The following FRAS1 variants were observed in gnomAD, a reference collection of about 807,000 sequenced individuals.
FRAS1 encodes the protein extracellular matrix organizing protein FRAS1.
Under a neutral mutation model 435.2 loss-of-function variants are expected in FRAS1, and 290 were observed. The ratio of observed to expected loss-of-function variants is 0.67; its 90% CI spans 0.61 to 0.73. The LOEUF (loss-of-function observed/expected upper bound fraction) is 0.73, where lower values mean the gene tolerates loss of function less well. Among genes scored for constraint, FRAS1 ranks in the 30% least tolerant of loss-of-function variants. FRAS1 has a pLI of 0.00. For synonymous variants in FRAS1, 1,800 were observed against 1,851.0 expected, an observed-to-expected ratio of 0.97 and a Z score of 0.71; for missense variants, 4,860 against 5,001.5, an observed-to-expected ratio of 0.97 and a Z score of 0.85.
At chr4:78,111,752 T>TAAAAAAAAAA (rs564909222) in intron 2 of FRAS1, among the ~76,000 whole-genome samples, 2 of 105,106 alleles carry the variant, frequency 1.9e-5, no homozygotes, top group African/African-American at 3.6e-5. Flanking sequence ...TAGAGTATAA[T>TAAAAAAAAAA]AAAAAAAAAA....
intron 2 of FRAS1, among the ~76,000 whole-genome samples, chr4:78,120,324 T>G (rs2109962353): frequency 6.6e-6 from 1 of 152,318 alleles, no homozygotes; most frequent in South Asian, 2.1e-4. Context: ...CTGTGCCAGC[T>G]TATGGGCTTA....
chr4:78,277,432 T>C (rs1035298122), intron 9 of FRAS1, among the ~76,000 whole-genome samples: 1 of 152,190 alleles, frequency 6.6e-6, no homozygotes, highest in African/African-American at 2.4e-5. Flanking sequence ...AGACTGGACC[T>C]GTTCCTATTC....
intron 51 of FRAS1, 83 bp from the exon 52 acceptor site, chr4:78,472,097 A>C (rs1719725645): frequency 7.3e-7 from 1 of 1,361,748 alleles, no homozygotes; most frequent in Admixed American, 1.7e-5. Context: ...ATCATTGTTG[A>C]ACTGAATTAA....
At chr4:78,313,722 T>TA (rs113259434) in intron 15 of FRAS1, among the ~76,000 whole-genome samples, 6,217 of 152,304 alleles carry the variant, frequency 0.041, 351 homozygotes, top group African/African-American at 0.13. Context: ...CTTTTCTTTT[T>TA]AAAAATTCTT....
intron 26 of FRAS1, among the ~76,000 whole-genome samples, chr4:78,376,165 C>G (rs981632197): frequency 6.6e-6 from 1 of 152,266 alleles, no homozygotes; most frequent in East Asian, 1.9e-4. Context: ...TGAACTACAG[C>G]CATGTTATAG....
At chr4:78,288,840 C>T (rs927843247) in intron 14 of FRAS1, among the ~76,000 whole-genome samples, 2 of 152,144 alleles carry the variant, frequency 1.3e-5, no homozygotes, top group Non-Finnish European at 2.9e-5. Context: ...ATGCTTGTAC[C>T]ACTGTTGGTG....
At chr4:78,305,653 A>C (rs1728672461) in intron 14 of FRAS1, among the ~76,000 whole-genome samples, 2 of 147,992 alleles carry the variant, frequency 1.4e-5, no homozygotes, top group African/African-American at 5.0e-5. Context: ...TGTTGGTTTA[A>C]AGTCTGTTTT....
chr4:78,225,053 C>T (rs1213542759), intron 2 of FRAS1, among the ~76,000 whole-genome samples: 1 of 152,040 alleles, frequency 6.6e-6, no homozygotes, highest in African/African-American at 2.4e-5. Context: ...CATTGATGAC[C>T]TCTCTGAGAA....
intron 47 of FRAS1, among the ~76,000 whole-genome samples, chr4:78,463,238 G>A (rs1172912761): frequency 6.6e-6 from 1 of 152,302 alleles, no homozygotes; most frequent in East Asian, 1.9e-4. Context: ...TTGCACATTT[G>A]TGGGATAGTT....
At chr4:78,394,656 G>A (rs1015898182) in intron 29 of FRAS1, among the ~76,000 whole-genome samples, 2 of 151,906 alleles carry the variant, frequency 1.3e-5, no homozygotes, top group Non-Finnish European at 2.9e-5. Flanking sequence ...CACCAGCTTT[G>A]TTCTTGCTCA....
intron 2 of FRAS1, among the ~76,000 whole-genome samples, chr4:78,067,594 G>A (rs867572601): frequency 2.0e-5 from 3 of 151,520 alleles, no homozygotes; most frequent in Non-Finnish European, 4.4e-5. Flanking sequence ...ACACCAGCAC[G>A]CTCCTCATTC....
chr4:78,375,624 A>G (rs111617771), intron 25 of FRAS1, 115 bp from the exon 26 acceptor site: 18 of 819,116 alleles, frequency 2.2e-5, no homozygotes, highest in African/African-American at 1.2e-4. Context: ...CTCTTTTGTT[A>G]CAGTTGGGGC....
chr4:78,277,458 GC>G (rs543666635), intron 9 of FRAS1, among the ~76,000 whole-genome samples: 7 of 151,452 alleles, frequency 4.6e-5, no homozygotes, highest in East Asian at 1.9e-4. Flanking sequence ...TCTTGGAACC[GC>G]CCCCCCCATT....
chr4:78,083,686 G>T (rs564048902), intron 2 of FRAS1, among the ~76,000 whole-genome samples: 3 of 140,142 alleles, frequency 2.1e-5, no homozygotes, highest in Non-Finnish European at 4.5e-5. Flanking sequence ...TTTGATCAAG[G>T]GGTACACGGT....
intron 2 of FRAS1, among the ~76,000 whole-genome samples, chr4:78,213,471 C>T (rs1453996564): frequency 6.6e-6 from 1 of 152,246 alleles, no homozygotes; most frequent in African/African-American, 2.4e-5. Flanking sequence ...TCTTTCTTGT[C>T]TGTCTCTATA....
At chr4:78,462,124 C>T (rs536578871) in intron 47 of FRAS1, among the ~76,000 whole-genome samples, 25 of 152,292 alleles carry the variant, frequency 1.6e-4, no homozygotes, top group Middle Eastern at 3.4e-3. Context: ...TCCTCTAGCA[C>T]TTTGGGAGGC....
intron 63 of FRAS1, among the ~76,000 whole-genome samples, chr4:78,510,327 C>A (rs982799260): frequency 2.0e-5 from 3 of 152,076 alleles, no homozygotes; most frequent in Non-Finnish European, 4.4e-5. Flanking sequence ...ATCTTGATTT[C>A]TTCAATTATT....
At position 78,540,985 on chromosome 4, in the gene FRAS1, A is replaced by G. The variant is rs751476869; in HGVS notation, c.11900A>G (p.Asn3967Ser). 19 of 1,613,122 alleles carry G rather than the reference A, an allele frequency of 1.2e-5. No individual in the cohort carries two copies. The highest frequency in any genetic ancestry group is 1.5e-5 in the Non-Finnish European group (18 of 1,179,524). Reference protein sequence around the residue: ...RHPDRVEKNVNRHYCTVRNVN... With the variant: ...RHPDRVEKNVSRHYCTVRNVN... ...CCGGACCGGGTGGAGAAGAACGTGA[A>G]TAGACACTACTGCACTGTGCGGAAC... The change falls in exon 74 of 74, where the codon AAT (asparagine) becomes AGT (serine). Residue 3967 changes from asparagine (N) to serine (S), a missense_variant. By Grantham distance (46) the Asn-to-Ser change is conservative (BLOSUM62 1). Coordinates refer to ENST00000512123, the MANE Select transcript of FRAS1 (RefSeq NM_025074.7).
In FRAS1 at chr4:78,242,893, G is replaced by A. The variant is rs1331574699; in HGVS notation, c.217-2340G>A. On this transcript the variant is annotated intron_variant, in intron 3 of 73. Transcript: ENST00000512123. ...TTTATCCATTCTATAATCACAGGTCGTGGATTCTATATCCGTATCTTATAT... is the reference window on the plus strand; with the variant it reads ...TTTATCCATTCTATAATCACAGGTCATGGATTCTATATCCGTATCTTATAT... Among the ~76,000 whole-genome samples the A allele has an allele frequency of 4.6e-5, 7 of 152,078 alleles. No homozygotes were observed. In the East Asian group the frequency reaches 5.8e-4, roughly 13 times the overall value.
Sources: allele counts gnomAD v4.1 joint callset (sites outside exome capture counted in the v4.1 genomes callset), GRCh38; gene constraint gnomAD v4.1.1; transcripts MANE v1.5; gene names NCBI Gene and HGNC (gene_info 2026-07-23, HGNC 2026-07-21).